ALX4: variants seen among roughly 807,000 people sequenced by gnomAD.
The protein encoded by ALX4 is homeobox protein aristaless-like 4.
Under a neutral mutation model 40.6 loss-of-function variants are expected in ALX4, and 22 were observed. The observed-to-expected ratio is 0.54, with a 90% CI of 0.39 to 0.77. The LOEUF (loss-of-function observed/expected upper bound fraction) is 0.77, where lower values mean the gene tolerates loss of function less well. Among genes scored for constraint, ALX4 ranks in the 30% least tolerant of loss-of-function variants. ALX4 has a pLI of 0.00. For synonymous variants in ALX4, 266 were observed against 240.5 expected, an observed-to-expected ratio of 1.11 and a Z score of -0.98; for missense variants, 556 against 564.8, an observed-to-expected ratio of 0.98 and a Z score of 0.16.
At chr11:44,306,085 G>A (rs1956466112) in intron 1 of ALX4, among the ~76,000 whole-genome samples, 1 of 152,214 alleles carries the variant, frequency 6.6e-6, no homozygotes. Context: ...CTCGGGCAAG[G>A]AATTCAGGAG....
intron 1 of ALX4, among the ~76,000 whole-genome samples, chr11:44,291,625 T>C (rs1956369879): frequency 6.6e-6 from 1 of 152,054 alleles, no homozygotes; most frequent in Non-Finnish European, 1.5e-5. Flanking sequence ...CGGCTGGTCT[T>C]GAACTCATGA....
Position 44,292,377 on chromosome 11 carries a change from ATTTTTTT to A in ALX4, c.467-16726_467-16720del, listed in dbSNP as rs67510206. ...CACAACATCACAGCTGGCTAATTAA[ATTTTTTT>A]TTTTTTTTTTTTTTTTGTAGAGACG... On this transcript the variant is annotated intron_variant, in intron 1 of 3. Transcript: ENST00000652299. Among the ~76,000 whole-genome samples, 7 of 93,116 alleles carry A rather than the reference ATTTTTTT, an allele frequency of 7.5e-5. No individual in the cohort carries two copies. In the South Asian group the frequency reaches 1.0e-3, roughly 14 times the overall value. 61.1% of individuals were successfully genotyped at this position (93,116 alleles called of 152,430 possible). A position where few individuals can be genotyped will look rare whatever the true frequency, so the allele number is the denominator to read the frequency against.
rs1956195797 is a variant in ALX4, at chr11:44,263,755, C to T, written c.*1099G>A. The T allele has an allele frequency of 6.6e-6, 1 of 152,374 alleles. No individual in the cohort carries two copies. Among genetic ancestry groups the T allele is most frequent in the South Asian group, 2.1e-4 (1 of 4,838 alleles). The allele number at this position is 152,374 out of a possible 1,614,324, so 9.4% of individuals were successfully genotyped here. ...CACGTCCTCTAGCAAAGCCTGCACG[C>T]AGCTTTTGACCCTCTGCCACCCGGC... On this transcript the variant is annotated 3_prime_UTR_variant, in exon 4 of 4. Transcript: ENST00000652299.
intron 1 of ALX4, among the ~76,000 whole-genome samples, chr11:44,284,526 G>GT (rs923878841): frequency 4.6e-5 from 7 of 152,116 alleles, no homozygotes; most frequent in African/African-American, 1.4e-4. Flanking sequence ...ACCTGGTTTT[G>GT]TTGTTTGCTT....
chr11:44,267,692 G>A (rs1956221639), intron 2 of ALX4, 70 bp from the exon 3 acceptor site: 1 of 1,605,742 alleles, frequency 6.2e-7, no homozygotes, highest in South Asian at 1.1e-5. Flanking sequence ...TTCAGGCAGT[G>A]CAAACTGTTC....
At position 44,297,624 on chromosome 11, in the gene ALX4, G is replaced by A. The variant is rs369979636; in HGVS notation, c.466+11973C>T. Among the ~76,000 whole-genome samples the A allele has an allele frequency of 1.1e-4, 17 of 152,290 alleles. No individual in the cohort carries two copies. The East Asian group carries it at 2.9e-3, about 26-fold the overall frequency. On this transcript the variant is annotated intron_variant, in intron 1 of 3. Transcript: ENST00000652299. ...CCAGCTACTTGGGAGGCTGAGGTGG[G>A]AGGATCACTTAAGCCTGGGAGGCAG... is the stretch of plus-strand genomic sequence containing the variant.
At chr11:44,279,335 T>C (rs922769581) in intron 1 of ALX4, among the ~76,000 whole-genome samples, 2 of 152,198 alleles carry the variant, frequency 1.3e-5, no homozygotes, top group African/African-American at 2.4e-5. Context: ...CTTCTGCAGT[T>C]CCCACTGCTG....
At chr11:44,288,327 C>T (rs1590697610) in intron 1 of ALX4, among the ~76,000 whole-genome samples, 1 of 152,086 alleles carries the variant, frequency 6.6e-6, no homozygotes, top group East Asian at 1.9e-4. Context: ...CAAAACATCA[C>T]CATTTGGGGA....
chr11:44,280,941 C>T (rs1956306627), intron 1 of ALX4, among the ~76,000 whole-genome samples: 1 of 152,244 alleles, frequency 6.6e-6, no homozygotes, highest in Non-Finnish European at 1.5e-5. Context: ...GAACCCCTGG[C>T]TGTTGGATTT....
At chr11:44,276,332 A>G (rs1282095477) in intron 1 of ALX4, among the ~76,000 whole-genome samples, 1 of 152,054 alleles carries the variant, frequency 6.6e-6, no homozygotes, top group African/African-American at 2.4e-5. Context: ...CATGGGCCAC[A>G]TTTCCTGTTA....
intron 1 of ALX4, among the ~76,000 whole-genome samples, chr11:44,280,673 CAAGT>C (rs1371281503): frequency 1.3e-5 from 2 of 152,224 alleles, no homozygotes; most frequent in Admixed American, 6.5e-5. Context: ...AGCCATCAAT[CAAGT>C]AGTGAACCTA....
At chr11:44,282,982 G>A (rs930665313) in intron 1 of ALX4, among the ~76,000 whole-genome samples, 33 of 152,270 alleles carry the variant, frequency 2.2e-4, no homozygotes, top group South Asian at 1.2e-3. Flanking sequence ...GGTGGCTTGC[G>A]CCTGTAATCT....
chr11:44,264,957 TTGAGGCCTGGGC>T lies in ALX4; in HGVS notation c.1121_1132del (p.Ser374_Leu377del). 6.2e-7 allele frequency: 1 copy of T among 1,613,216 alleles called. No homozygotes were observed. The highest frequency in any genetic ancestry group is 8.5e-7 in the Non-Finnish European group (1 of 1,179,930). The stretch of plus-strand genomic sequence containing the variant: ...CGGCTCGCCGTTGAGCTCGTAGCCA[TTGAGGCCTGGGC>T]TGAGGCTGGCTGCTCCAAACAGGCT... On this transcript the variant is annotated inframe_deletion, in exon 4 of 4. Coordinates refer to ENST00000652299, the MANE Select transcript of ALX4 (RefSeq NM_021926.4).
intron 1 of ALX4, among the ~76,000 whole-genome samples, chr11:44,308,273 G>A (rs1956481247): frequency 6.6e-6 from 1 of 152,348 alleles, no homozygotes; most frequent in South Asian, 2.1e-4. Flanking sequence ...CTATGAACTA[G>A]TTCTGCGCCT....
chr11:44,290,094 T>C (rs1302540601), intron 1 of ALX4, among the ~76,000 whole-genome samples: 1 of 152,194 alleles, frequency 6.6e-6, no homozygotes. Context: ...CTGTGGTCTG[T>C]CTGCCCATTG....
chr11:44,281,601 A>G (rs1956310793), intron 1 of ALX4, among the ~76,000 whole-genome samples: 1 of 152,062 alleles, frequency 6.6e-6, no homozygotes, highest in Non-Finnish European at 1.5e-5. Flanking sequence ...TCTCCTTAAA[A>G]AAAACAGGCC....
Position 44,289,163 on chromosome 11 carries a change from T to A in ALX4, c.467-13505A>T, listed in dbSNP as rs117860096. Among the ~76,000 whole-genome samples, 69 of 152,194 alleles carry A rather than the reference T, an allele frequency of 4.5e-4. 1 individual carries two copies. The East Asian group carries it at 0.01, about 23-fold the overall frequency. Reference sequence around the variant, plus strand: ...GAGCGGTCAATTTTGGTTGAAAAGGTCGGAGAAGGCCTCTGCAATGGAGTG... The same window carrying A: ...GAGCGGTCAATTTTGGTTGAAAAGGACGGAGAAGGCCTCTGCAATGGAGTG... On this transcript the variant is annotated intron_variant, in intron 1 of 3. Transcript: ENST00000652299.
chr11:44,270,487 G>A lies in ALX4; in HGVS notation c.778-2865C>T, dbSNP rs375766215. On this transcript the variant is annotated intron_variant, in intron 2 of 3. Transcript: ENST00000652299. ...AGACATGAGCTAGGTGAGCCTGGCC[G>A]GTCCTCAATATCCTCCCCAGTAAAT... 1.1e-4 allele frequency among the ~76,000 whole-genome samples: 17 copies of A among 152,142 alleles called. No individual in the cohort carries two copies. The East Asian group carries it at 1.4e-3, about 12-fold the overall frequency.
chr11:44,275,367 A>G lies in ALX4; in HGVS notation c.758T>C (p.Leu253Pro). The G allele has an allele frequency of 6.2e-7, 1 of 1,614,182 alleles. No homozygotes were observed. Among genetic ancestry groups the G allele is most frequent in the South Asian group, 1.1e-5 (1 of 91,078 alleles). The stretch of plus-strand genomic sequence containing the variant: ...ACTGACCTGCACGCGGGCCTCAGTG[A>G]GGTCTGTCCTCATGGCCAGCTGTTC... ...AREQLAMRTD[L>P]TEARVQVWFQ... Residue 253 changes from leucine to proline, a missense_variant, in exon 2 of 4, where the codon CTC becomes CCC. Physicochemically the swap from Leu to Pro is moderately conservative, Grantham distance 98 (BLOSUM62 -3). Transcript: ENST00000652299.
Sources: allele counts gnomAD v4.1 joint callset (sites outside exome capture counted in the v4.1 genomes callset), GRCh38; gene constraint gnomAD v4.1.1; transcripts MANE v1.5; gene names NCBI Gene and HGNC (gene_info 2026-07-23, HGNC 2026-07-21).